Variants in FLNB observed in about 807,000 individuals in gnomAD.
FLNB encodes the protein filamin B, also known as filamin-B.
A neutral mutation model predicts 250.6 loss-of-function variants in FLNB; 111 were observed. The observed-to-expected ratio is 0.44, with a 90% CI of 0.38 to 0.52. The LOEUF (loss-of-function observed/expected upper bound fraction) is 0.52, where lower values mean the gene tolerates loss of function less well. FLNB is among the 20% of genes least tolerant of loss of function. The pLI, the probability that FLNB is intolerant of heterozygous loss-of-function variation, is 0.00. For missense variants in FLNB, 2,869 were observed against 3,447.8 expected (o/e 0.83, Z 4.20); for synonymous variants, 1,302 against 1,372.1 (o/e 0.95, Z 1.13).
chr3:58,054,924 A>G (rs1020619551), intron 1 of FLNB, among the ~76,000 whole-genome samples: 1 of 152,204 alleles, frequency 6.6e-6, no homozygotes, highest in Non-Finnish European at 1.5e-5. Flanking sequence ...CACTGCAACA[A>G]TAGATCCAAA....
At chr3:58,096,048 G>A (rs975850859) in intron 5 of FLNB, 93 bp from the exon 6 acceptor site, 13 of 967,920 alleles carry the variant, frequency 1.3e-5, no homozygotes, top group African/African-American at 1.1e-4. Flanking sequence ...CAGTGTTTCC[G>A]ACCTGGCAGC....
chr3:58,145,587 T>C (rs1009553824), intron 32 of FLNB, among the ~76,000 whole-genome samples: 1 of 152,252 alleles, frequency 6.6e-6, no homozygotes, highest in African/African-American at 2.4e-5. Context: ...ACCTTCCCTC[T>C]GGCCATGGGT....
intron 1 of FLNB, among the ~76,000 whole-genome samples, chr3:58,066,529 C>A (rs542801989): frequency 2.0e-5 from 3 of 152,126 alleles, no homozygotes; most frequent in African/African-American, 7.2e-5. Flanking sequence ...TTTTTGTTTC[C>A]CTTCTTCGAC....
intron 8 of FLNB, 49 bp from the exon 9 acceptor site, chr3:58,102,152 ACT>A: frequency 6.2e-7 from 1 of 1,611,488 alleles, no homozygotes; most frequent in Non-Finnish European, 8.5e-7. Flanking sequence ...GGCTTTCACG[ACT>A]CTGACTAAAG....
chr3:58,152,867 C>T (rs756052086), intron 38 of FLNB: 31 of 560,770 alleles, frequency 5.5e-5, no homozygotes, highest in South Asian at 4.4e-4. Context: ...GAGCAGCTCA[C>T]GGAGAGTGAT....
chr3:58,153,117 G>A (rs964616294), intron 38 of FLNB, among the ~76,000 whole-genome samples: 24 of 152,230 alleles, frequency 1.6e-4, no homozygotes, highest in African/African-American at 4.8e-4. Context: ...AAAGGAGCCC[G>A]TCTGTGCATG....
chr3:58,150,028 G>A (rs1368065963), intron 37 of FLNB, 26 bp downstream of exon 37: 26 of 1,614,142 alleles, frequency 1.6e-5, no homozygotes, highest in Non-Finnish European at 2.1e-5. Flanking sequence ...TCCCCTCCAG[G>A]TGGGATGCTT....
At chr3:58,023,282 G>T (rs2097117185) in intron 1 of FLNB, among the ~76,000 whole-genome samples, 1 of 151,782 alleles carries the variant, frequency 6.6e-6, no homozygotes, top group African/African-American at 2.4e-5. Context: ...TATTTTTATA[G>T]AGACAGGCTA....
At chr3:58,052,778 A>G (rs924858169) in intron 1 of FLNB, among the ~76,000 whole-genome samples, 7 of 152,180 alleles carry the variant, frequency 4.6e-5, no homozygotes, top group African/African-American at 1.4e-4. Flanking sequence ...TATGGACAGT[A>G]TGCTCAGAGG....
chr3:58,077,120 A>G lies in FLNB; in HGVS notation c.367A>G (p.Ile123Val), dbSNP rs2097202810. 1 of 1,614,000 alleles carries G rather than the reference A, an allele frequency of 6.2e-7. No individual in the cohort carries two copies. Among genetic ancestry groups the G allele is most frequent in the Non-Finnish European group, 8.5e-7 (1 of 1,180,002 alleles). ...GTGGACGCTGATCCTCCACTACTCC[A>G]TCTCCATGCCCGTGTGGGAGGATGA... ...LVWTLILHYS[I>V]SMPVWEDEGD... The change falls in exon 2 of 46, where the codon ATC becomes GTC. Residue 123 changes from isoleucine to valine, a missense_variant. Coordinates refer to ENST00000295956, the MANE Select transcript of FLNB (RefSeq NM_001457.4).
chr3:58,132,083 A>G (rs995700889), intron 25 of FLNB: 3 of 1,109,732 alleles, frequency 2.7e-6, no homozygotes, highest in East Asian at 2.6e-5. Context: ...CCTCACTTCT[A>G]AAATTGCTTA....
chr3:58,050,021 C>CTTTTTTTTTTTTTTT (rs34910480), intron 1 of FLNB, among the ~76,000 whole-genome samples: 1 of 130,480 alleles, frequency 7.7e-6, no homozygotes, highest in Non-Finnish European at 1.7e-5. Context: ...TAGAAAATGC[C>CTTTTTTTTTTTTTTT]TTTTTTTTTT....
chr3:58,163,093 C>A, intron 42 of FLNB, 61 bp from the exon 43 acceptor site: 1 of 1,544,510 alleles, frequency 6.5e-7, no homozygotes, highest in Non-Finnish European at 8.9e-7. Context: ...CCTTTATCCT[C>A]ACTGAACTCA....
chr3:58,026,648 C>T (rs1002787436), intron 1 of FLNB, among the ~76,000 whole-genome samples: 4 of 152,062 alleles, frequency 2.6e-5, no homozygotes, highest in African/African-American at 7.2e-5. Flanking sequence ...GAGGAGTTGG[C>T]GAGTATTAGT....
chr3:58,054,050 C>G (rs1192220645), intron 1 of FLNB, among the ~76,000 whole-genome samples: 1 of 152,144 alleles, frequency 6.6e-6, no homozygotes, highest in Non-Finnish European at 1.5e-5. Flanking sequence ...AAAGGACCTT[C>G]TGGGCAAAGA....
At chr3:58,023,111 C>T (rs1285582629) in intron 1 of FLNB, among the ~76,000 whole-genome samples, 1 of 97,406 alleles carries the variant, frequency 1.0e-5, no homozygotes, top group Non-Finnish European at 1.9e-5. Context: ...CGAACTCGGC[C>T]TTTTTTTTTT....
Position 58,077,130 on chromosome 3 carries a change from C to G in FLNB, c.377C>G (p.Pro126Arg). Residue 126 changes from proline to arginine, a missense_variant, in exon 2 of 46, where the codon CCC becomes CGC. Coordinates refer to ENST00000295956, the MANE Select transcript of FLNB (RefSeq NM_001457.4). ...TLILHYSISM[P>R]VWEDEGDDDA... ...ATCCTCCACTACTCCATCTCCATGC[C>G]CGTGTGGGAGGATGAAGGGGATGAT... 6.2e-7 allele frequency: 1 copy of G among 1,614,076 alleles called. No homozygotes were observed. Among genetic ancestry groups the G allele is most frequent in the Non-Finnish European group, 8.5e-7 (1 of 1,179,998 alleles).
At chr3:58,067,649 T>A (rs1003419275) in intron 1 of FLNB, among the ~76,000 whole-genome samples, 1 of 150,140 alleles carries the variant, frequency 6.7e-6, no homozygotes, top group Non-Finnish European at 1.5e-5. Context: ...CAGGCTGGAG[T>A]GCAGTGGCAT....
intron 23 of FLNB, among the ~76,000 whole-genome samples, chr3:58,126,287 T>A (rs1022878449): frequency 3.9e-5 from 6 of 151,974 alleles, no homozygotes; most frequent in African/African-American, 1.4e-4. Context: ...GGCTGAGGCA[T>A]GTGAATTGCT....
Sources: allele counts gnomAD v4.1 joint callset (sites outside exome capture counted in the v4.1 genomes callset), GRCh38; gene constraint gnomAD v4.1.1; transcripts MANE v1.5; gene names NCBI Gene and HGNC (gene_info 2026-07-23, HGNC 2026-07-21).